Variants in SSTR3 observed in about 807,000 individuals in gnomAD.
SSTR3 encodes the protein somatostatin receptor 3.
For synonymous variants in SSTR3, 281 were observed against 269.2 expected (o/e 1.04, Z -0.43); for missense variants, 504 against 604.7 (o/e 0.83, Z 1.75).
chr22:37,208,375 G>A (rs750412689), intron 1 of SSTR3, among the ~76,000 whole-genome samples: 2 of 152,238 alleles, frequency 1.3e-5, no homozygotes, highest in African/African-American at 2.4e-5. Context: ...TCCAAATGGA[G>A]TTAAGAACCA....
At chr22:37,209,825 A>G (rs1926082999) in intron 1 of SSTR3, among the ~76,000 whole-genome samples, 1 of 152,250 alleles carries the variant, frequency 6.6e-6, no homozygotes, top group Non-Finnish European at 1.5e-5. Context: ...CCCAGCTGGC[A>G]TCCGCTTTCC....
upstream of SSTR3, among the ~76,000 whole-genome samples, chr22:37,216,433 G>T (rs1271512920): frequency 1.3e-5 from 2 of 152,100 alleles, no homozygotes; most frequent in Non-Finnish European, 1.5e-5. Context: ...CATGATTAAT[G>T]CAATGTAAAT....
In SSTR3 at chr22:37,207,616, G is replaced by T. The variant is rs775327404; in HGVS notation, c.188C>A (p.Ser63Ter). 1 of 1,605,262 alleles carries T rather than the reference G, an allele frequency of 6.2e-7. No homozygotes were observed. The highest frequency in any genetic ancestry group is 1.7e-5 in the Admixed American group (1 of 59,706). ...VVCVVGLLGN[S>*]LVIYVVLRHT... The stretch of plus-strand genomic sequence containing the variant: ...CCGCAGGACCACATAGATGACCAGC[G>T]AGTTACCCAGCAGGCCCACCACGCA... The change falls in exon 2 of 2, where the codon TCG becomes TAG. Residue 63 changes from serine to a stop codon, truncating the protein, a stop_gained. Coordinates refer to ENST00000610913, the MANE Select transcript of SSTR3 (RefSeq NM_001051.5). LOFTEE classifies it low-confidence loss of function (END_TRUNC).
At chr22:37,212,891 G>A (rs192473193), upstream of SSTR3, among the ~76,000 whole-genome samples, 2 of 152,314 alleles carry the variant, frequency 1.3e-5, no homozygotes, top group African/African-American at 4.8e-5. Flanking sequence ...GAGAGCCCCA[G>A]GCAGGGTGAG....
the SSTR3 span, among the ~76,000 whole-genome samples, chr22:37,218,889 A>T: frequency 3.3e-5 from 5 of 152,180 alleles, no homozygotes; most frequent in East Asian, 5.8e-4. Context: ...ACCATCCATG[A>T]TGTCTGGGTT....
upstream of SSTR3, among the ~76,000 whole-genome samples, chr22:37,214,849 C>T (rs1347875895): frequency 6.6e-6 from 1 of 152,182 alleles, no homozygotes; most frequent in East Asian, 1.9e-4. Flanking sequence ...TGCGCTTCCG[C>T]CACTCGGCCC....
chr22:37,211,392 GACCTCGGGCAAGTC>G (rs1314631166), intron 1 of SSTR3, among the ~76,000 whole-genome samples: 3 of 152,198 alleles, frequency 2.0e-5, no homozygotes, highest in African/African-American at 4.8e-5. Context: ...ATTGCTGTGT[GACCTCGGGCAAGTC>G]ACTTCTCCCC....
At chr22:37,217,923 C>G in the SSTR3 span, among the ~76,000 whole-genome samples, 1 of 152,276 alleles carries the variant, frequency 6.6e-6, no homozygotes, top group African/African-American at 2.4e-5. Context: ...AGGCTAGTCT[C>G]AAACTCCTGG....
rs575735504 is a variant in SSTR3, at chr22:37,205,151, T to C, written c.*1396A>G. The C allele has an allele frequency of 2.0e-5, 3 of 152,440 alleles. No individual in the cohort carries two copies. Among genetic ancestry groups the C allele is most frequent in the African/African-American group, 7.2e-5 (3 of 41,540 alleles). The allele number at this position is 152,440 out of a possible 1,614,324, so 9.4% of individuals were successfully genotyped here. Reference sequence around the variant, plus strand: ...AGGGAGCTCCCCAGTCCTCCCAATGTCCCTGGTAGCCAGCTCCACCCTAGG... The same window carrying C: ...AGGGAGCTCCCCAGTCCTCCCAATGCCCCTGGTAGCCAGCTCCACCCTAGG... On this transcript the variant is annotated 3_prime_UTR_variant, in exon 2 of 2. Coordinates refer to ENST00000610913, the MANE Select transcript of SSTR3 (RefSeq NM_001051.5).
chr22:37,218,046 G>A, the SSTR3 span, among the ~76,000 whole-genome samples: 3 of 152,208 alleles, frequency 2.0e-5, no homozygotes, highest in South Asian at 2.1e-4. Context: ...ATGGCATTCT[G>A]TACTCATTTG....
At chr22:37,210,073 G>C (rs1043215695) in intron 1 of SSTR3, among the ~76,000 whole-genome samples, 1 of 152,196 alleles carries the variant, frequency 6.6e-6, no homozygotes, top group Admixed American at 6.5e-5. Context: ...CCTGGTAGGG[G>C]ACCCGCGTCA....
Position 37,211,953 on chromosome 22 carries a change from C to T in SSTR3, c.-165G>A. 1.0e-6 allele frequency: 1 copy of T among 985,722 alleles called. No individual in the cohort carries two copies. Among genetic ancestry groups the T allele is most frequent in the African/African-American group, 1.7e-5 (1 of 57,358 alleles). The allele number at this position is 985,722 out of a possible 1,614,324, so 61.1% of individuals were successfully genotyped here. Reference sequence around the variant, plus strand: ...TAGGGTCCCCACAAGGCACCCACTTCTAGACCGCTTGCGGGCTCAGGTTCC... The same window carrying T: ...TAGGGTCCCCACAAGGCACCCACTTTTAGACCGCTTGCGGGCTCAGGTTCC... On this transcript the variant is annotated 5_prime_UTR_variant, in exon 1 of 2. It removes the in-frame stop codon of an upstream open reading frame in the 5' UTR. Transcript: ENST00000610913.
the SSTR3 span, among the ~76,000 whole-genome samples, chr22:37,220,076 C>CG: frequency 3.6e-3 from 547 of 152,214 alleles, no homozygotes; most frequent in Non-Finnish European, 5.1e-3. Context: ...ACAGTCTAGA[C>CG]GGGAAGCACT....
upstream of SSTR3, among the ~76,000 whole-genome samples, chr22:37,213,330 A>G (rs146761050): frequency 1.3e-5 from 2 of 152,286 alleles, no homozygotes; most frequent in Non-Finnish European, 2.9e-5. Context: ...CACAGGAGTG[A>G]TAAGGAAAGG....
At chr22:37,216,766 C>T (rs1926465408), upstream of SSTR3, among the ~76,000 whole-genome samples, 1 of 151,852 alleles carries the variant, frequency 6.6e-6, no homozygotes, top group Non-Finnish European at 1.5e-5. Context: ...ATGTTTTACT[C>T]TCTCATTTTA....
chr22:37,209,649 G>A (rs1926070346), intron 1 of SSTR3, among the ~76,000 whole-genome samples: 1 of 152,210 alleles, frequency 6.6e-6, no homozygotes, highest in South Asian at 2.1e-4. Context: ...TACGAGGGAG[G>A]CACTACTGTC....
At chr22:37,219,338 A>G in the SSTR3 span, among the ~76,000 whole-genome samples, 3 of 152,140 alleles carry the variant, frequency 2.0e-5, no homozygotes, top group Non-Finnish European at 4.4e-5. Context: ...GCTGTGCCTC[A>G]CCCCTCTCTG....
rs201591283 is a variant in SSTR3, at chr22:37,206,503, G to A, written c.*44C>T. The A allele has an allele frequency of 1.8e-5, 28 of 1,552,238 alleles. No homozygotes were observed. Among genetic ancestry groups the A allele is most frequent in the Admixed American group, 9.2e-5 (5 of 54,516 alleles). On this transcript the variant is annotated 3_prime_UTR_variant, in exon 2 of 2. Coordinates refer to ENST00000610913, the MANE Select transcript of SSTR3 (RefSeq NM_001051.5). ...GGAAGTAGGCCCTAGGCACACCCAC[G>A]GCTTCTGCCTCTTCCTCGGGCCATC...
At chr22:37,219,738 T>A in the SSTR3 span, among the ~76,000 whole-genome samples, 1 of 152,234 alleles carries the variant, frequency 6.6e-6, no homozygotes, top group African/African-American at 2.4e-5. Context: ...CATGTTATTA[T>A]CCCTCATGAT....
Sources: gnomAD v4.1 joint callset for allele counts (sites outside exome capture counted in the v4.1 genomes callset) on GRCh38, gnomAD v4.1.1 for gene constraint, MANE v1.5 for transcripts, NCBI Gene and HGNC (gene_info 2026-07-23, HGNC 2026-07-21) for gene names.